The following ARHGAP15 variants were observed in gnomAD, a reference collection of about 807,000 sequenced individuals.
The protein encoded by ARHGAP15 is rho GTPase-activating protein 15.
Under a neutral mutation model 63.7 loss-of-function variants are expected in ARHGAP15, and 51 were observed. That is an observed-to-expected ratio of 0.80 (90% CI 0.64 to 1.01). The LOEUF (loss-of-function observed/expected upper bound fraction) is 1.01. ARHGAP15 is among the 50% of genes least tolerant of loss of function. The pLI is 0.00. For synonymous variants in ARHGAP15, 191 were observed against 193.8 expected (o/e 0.99, Z 0.12); for missense variants, 560 against 564.6 (o/e 0.99, Z 0.08).
intron 6 of ARHGAP15, among the ~76,000 whole-genome samples, chr2:143,339,755 T>C (rs1023091971): frequency 6.6e-6 from 1 of 152,196 alleles, no homozygotes; most frequent in African/African-American, 2.4e-5. Context: ...TCTCAAGTTA[T>C]ACTTTATGTG....
chr2:143,138,923 C>T (rs931427677), intron 1 of ARHGAP15, among the ~76,000 whole-genome samples: 1 of 152,076 alleles, frequency 6.6e-6, no homozygotes, highest in African/African-American at 2.4e-5. Flanking sequence ...TCTCATTTAA[C>T]TTTTCCAATG....
chr2:143,420,558 A>T (rs1257701714), intron 6 of ARHGAP15, among the ~76,000 whole-genome samples: 4 of 152,250 alleles, frequency 2.6e-5, no homozygotes, highest in Non-Finnish European at 5.9e-5. Flanking sequence ...TTTAATTATC[A>T]TTGTGGTAAG....
chr2:143,455,393 C>A (rs1690600598), intron 8 of ARHGAP15, among the ~76,000 whole-genome samples: 1 of 151,904 alleles, frequency 6.6e-6, no homozygotes, highest in African/African-American at 2.4e-5. Flanking sequence ...TTTACCACAT[C>A]CTTTTATCAG....
At chr2:143,435,772 AACAC>A (rs1689588354) in intron 7 of ARHGAP15, 73 bp downstream of exon 7, 17 of 1,407,926 alleles carry the variant, frequency 1.2e-5, no homozygotes, top group Non-Finnish European at 1.6e-5. Context: ...TCAGGCATAT[AACAC>A]ACACACTCAT....
chr2:143,318,200 G>A (rs564710817), intron 6 of ARHGAP15, among the ~76,000 whole-genome samples: 7 of 151,796 alleles, frequency 4.6e-5, no homozygotes, highest in African/African-American at 1.7e-4. Flanking sequence ...TAGAGACAGG[G>A]TTTCACCATG....
chr2:143,334,011 G>A (rs139730152), intron 6 of ARHGAP15, among the ~76,000 whole-genome samples: 1 of 152,276 alleles, frequency 6.6e-6, no homozygotes, highest in Admixed American at 6.5e-5. Context: ...GGTTTCAAAT[G>A]TGTGAAGAAA....
intron 1 of ARHGAP15, among the ~76,000 whole-genome samples, chr2:143,147,826 T>G (rs1488342064): frequency 1.3e-5 from 2 of 152,042 alleles, no homozygotes; most frequent in Non-Finnish European, 2.9e-5. Flanking sequence ...TTCATAAGAT[T>G]AATGTTTACA....
At chr2:143,386,379 A>G (rs921716746) in intron 6 of ARHGAP15, among the ~76,000 whole-genome samples, 1 of 152,184 alleles carries the variant, frequency 6.6e-6, no homozygotes, top group Non-Finnish European at 1.5e-5. Context: ...CTTGTTTTGT[A>G]GTTAAGGAAT....
chr2:143,557,460 G>T (rs1169355380), intron 11 of ARHGAP15, among the ~76,000 whole-genome samples: 2 of 152,028 alleles, frequency 1.3e-5, no homozygotes, highest in Non-Finnish European at 2.9e-5. Context: ...GGAAGCAGTA[G>T]GACGAGCTTG....
At chr2:143,369,581 T>TCAAACTTTCTTATC (rs1023506130) in intron 6 of ARHGAP15, among the ~76,000 whole-genome samples, 3 of 152,122 alleles carry the variant, frequency 2.0e-5, no homozygotes, top group African/African-American at 7.2e-5. Flanking sequence ...TTCAATTTAG[T>TCAAACTTTCTTATC]CAAACTTTCT....
intron 10 of ARHGAP15, among the ~76,000 whole-genome samples, chr2:143,535,694 G>T (rs1279933354): frequency 3.3e-5 from 5 of 152,118 alleles, no homozygotes; most frequent in African/African-American, 9.7e-5. Flanking sequence ...CCTGATTATG[G>T]ATTTCCTAAC....
chr2:143,598,607 G>A (rs1053756754), intron 11 of ARHGAP15, among the ~76,000 whole-genome samples: 3 of 152,068 alleles, frequency 2.0e-5, no homozygotes, highest in African/African-American at 7.2e-5. Flanking sequence ...GCAGCAATGA[G>A]CTGTTCACTC....
intron 11 of ARHGAP15, among the ~76,000 whole-genome samples, chr2:143,568,418 C>G (rs1696322240): frequency 1.3e-5 from 2 of 152,216 alleles, no homozygotes. Flanking sequence ...AAAAAATGCT[C>G]ATCATCACTG....
chr2:143,379,194 G>C (rs1686946068), intron 6 of ARHGAP15, among the ~76,000 whole-genome samples: 1 of 151,898 alleles, frequency 6.6e-6, no homozygotes, highest in Non-Finnish European at 1.5e-5. Context: ...CTAAAAATGG[G>C]AGTGAAGGTT....
At chr2:143,588,046 A>G (rs186747764) in intron 11 of ARHGAP15, among the ~76,000 whole-genome samples, 2 of 152,306 alleles carry the variant, frequency 1.3e-5, no homozygotes, top group Non-Finnish European at 2.9e-5. Context: ...CAAACAGCTT[A>G]TCAAAGAAGG....
chr2:143,748,975 T>C (rs552381090), intron 13 of ARHGAP15, among the ~76,000 whole-genome samples: 10 of 152,148 alleles, frequency 6.6e-5, no homozygotes, highest in Non-Finnish European at 1.2e-4. Context: ...TGATTTTTTT[T>C]TTCCCCCTAC....
rs146421808 is a variant in ARHGAP15, at chr2:143,364,755, G to A, written c.475-70846G>A. Among the ~76,000 whole-genome samples the A allele has an allele frequency of 2.1e-4, 32 of 152,268 alleles. No homozygotes were observed. The East Asian group carries it at 6.0e-3, about 28-fold the overall frequency. On this transcript the variant is annotated intron_variant, in intron 6 of 13. Coordinates refer to ENST00000295095, the MANE Select transcript of ARHGAP15 (RefSeq NM_018460.4). ...ATTTAAGTAGTTCCAGGCCAGGCAC[G>A]GTGGCTCAGGCCTGTAATTCCCAGC...
intron 10 of ARHGAP15, among the ~76,000 whole-genome samples, chr2:143,544,459 T>C (rs1379289107): frequency 6.6e-6 from 1 of 152,224 alleles, no homozygotes; most frequent in Non-Finnish European, 1.5e-5. Flanking sequence ...AAGAGTAATA[T>C]ATATGTATAT....
intron 6 of ARHGAP15, among the ~76,000 whole-genome samples, chr2:143,256,600 T>C (rs535487262): frequency 3.9e-5 from 6 of 152,072 alleles, no homozygotes; most frequent in Admixed American, 3.3e-4. Context: ...ATGCCCCAAG[T>C]GAAAGAGGGA....
Sources: allele counts gnomAD v4.1 joint callset (sites outside exome capture counted in the v4.1 genomes callset), GRCh38; gene constraint gnomAD v4.1.1; transcripts MANE v1.5; gene names NCBI Gene and HGNC (gene_info 2026-07-23, HGNC 2026-07-21).